NDUFAF5: variants seen among roughly 807,000 people sequenced by gnomAD.
NDUFAF5 encodes the protein arginine-hydroxylase NDUFAF5, mitochondrial.
A neutral mutation model predicts 48.9 loss-of-function variants in NDUFAF5; 34 were observed. The ratio of observed to expected loss-of-function variants is 0.70; its 90% CI spans 0.53 to 0.93. The LOEUF (loss-of-function observed/expected upper bound fraction) is 0.93. NDUFAF5 is among the 40% of genes least tolerant of loss of function. The probability of loss-of-function intolerance (pLI) is 0.00; values close to 1 mark genes in which losing one functional copy is unlikely to be tolerated. For synonymous variants in NDUFAF5, 153 were observed against 150.6 expected (o/e 1.02, Z -0.12); for missense variants, 428 against 427.5 (o/e 1.00, Z -0.01).
chr20:13,788,452 AAGGTG>A (rs1165830719), intron 2 of NDUFAF5, 132 bp from the exon 3 acceptor site: 1 of 699,754 alleles, frequency 1.4e-6, no homozygotes, highest in African/African-American at 1.8e-5. Flanking sequence ...TACAGCTTGT[AAGGTG>A]AGGCTGAAAA....
intron 8 of NDUFAF5, among the ~76,000 whole-genome samples, chr20:13,813,524 G>T (rs562667244): frequency 2.0e-5 from 3 of 152,200 alleles, no homozygotes; most frequent in African/African-American, 7.2e-5. Context: ...GTGGAAATAC[G>T]TAGTTCCTGA....
intron 7 of NDUFAF5, among the ~76,000 whole-genome samples, chr20:13,805,773 T>TA (rs200106254): frequency 2.0e-5 from 3 of 151,624 alleles, no homozygotes; most frequent in Admixed American, 1.3e-4. Context: ...TCCTCATCTC[T>TA]AAAAAAAAAT....
At chr20:13,793,568 T>C (rs1982689418) in intron 4 of NDUFAF5, among the ~76,000 whole-genome samples, 1 of 152,190 alleles carries the variant, frequency 6.6e-6, no homozygotes, top group African/African-American at 2.4e-5. Context: ...GTGTGTCATA[T>C]ATCATCTTTT....
chr20:13,785,466 A>G (rs1203920095), intron 1 of NDUFAF5, among the ~76,000 whole-genome samples, 176 bp downstream of exon 1: 1 of 152,238 alleles, frequency 6.6e-6, no homozygotes, highest in East Asian at 1.9e-4. Context: ...GATATTTGTA[A>G]CATGCTTTCA....
chr20:13,797,341 C>T (rs1983401103), intron 5 of NDUFAF5, among the ~76,000 whole-genome samples: 1 of 152,182 alleles, frequency 6.6e-6, no homozygotes, highest in South Asian at 2.1e-4. Context: ...TTGGAAGCAG[C>T]CAAGATGTCC....
intron 3 of NDUFAF5, 35 bp from the exon 4 acceptor site, chr20:13,793,145 A>T: frequency 6.2e-7 from 1 of 1,612,676 alleles, no homozygotes; most frequent in Middle Eastern, 1.7e-4. Flanking sequence ...TTGTGACTGG[A>T]TTTGTTTGTT....
intron 7 of NDUFAF5, among the ~76,000 whole-genome samples, chr20:13,804,523 C>T (rs1336620393): frequency 6.6e-6 from 1 of 151,842 alleles, no homozygotes; most frequent in Non-Finnish European, 1.5e-5. Flanking sequence ...TTCCAATATA[C>T]TGTTAATAGT....
At chr20:13,809,957 T>C (rs1985629046) in intron 8 of NDUFAF5, among the ~76,000 whole-genome samples, 1 of 152,146 alleles carries the variant, frequency 6.6e-6, no homozygotes, top group Non-Finnish European at 1.5e-5. Flanking sequence ...GAAGAAACAA[T>C]AGAAGAATAC....
intron 8 of NDUFAF5, among the ~76,000 whole-genome samples, chr20:13,810,524 C>T (rs1445230283): frequency 6.6e-6 from 1 of 151,456 alleles, no homozygotes; most frequent in East Asian, 1.9e-4. Flanking sequence ...GCTGTTCTTT[C>T]AAGAAGTCTG....
At position 13,801,590 on chromosome 20, in the gene NDUFAF5, G is replaced by C. The variant is rs1467045628; in HGVS notation, c.624G>C (p.Arg208Ser). 42 of 1,613,926 alleles carry C rather than the reference G, an allele frequency of 2.6e-5. No homozygotes were observed. Among genetic ancestry groups the C allele is most frequent in the Non-Finnish European group, 3.5e-5 (41 of 1,180,004 alleles). The change falls in exon 7 of 11, where the codon AGG becomes AGC. Residue 208 changes from arginine to serine, a missense_variant. Physicochemically the swap from Arg to Ser is moderately radical, Grantham distance 110. Coordinates refer to ENST00000378106, the MANE Select transcript of NDUFAF5 (RefSeq NM_024120.5). ...RCSLQLAETE[R>S]EGGFSPHISP... ...CCTTACAGTTAGCGGAAACGGAAAG[G>C]GAAGGAGGATTTTCTCCACACATTT... is the stretch of plus-strand genomic sequence containing the variant.
In NDUFAF5 at chr20:13,819,444, C is replaced by G. The variant is rs1355067790; in HGVS notation, c.*2234C>G. 6.6e-6 allele frequency: 1 copy of G among 152,250 alleles called. No homozygotes were observed. The highest frequency in any genetic ancestry group is 1.5e-5 in the Non-Finnish European group (1 of 68,060). The allele number at this position is 152,250 out of a possible 1,614,324, so 9.4% of individuals were successfully genotyped here. A position where few individuals can be genotyped will look rare whatever the true frequency, so the allele number is the denominator to read the frequency against. On this transcript the variant is annotated 3_prime_UTR_variant, in exon 11 of 11. Coordinates refer to ENST00000378106, the MANE Select transcript of NDUFAF5 (RefSeq NM_024120.5). Reference sequence around the variant, plus strand: ...AGTACAGTGGCGCAATCTCGGCTCACTGCTGCCTCCGCTTCCTGGGTTCAA... The same window carrying G: ...AGTACAGTGGCGCAATCTCGGCTCAGTGCTGCCTCCGCTTCCTGGGTTCAA...
Position 13,785,080 on chromosome 20 carries a change from G to A in NDUFAF5, c.12G>A (p.Pro4=), listed in dbSNP as rs1468958634. ...GGTCGCAGCTGGAGATGCTGCGGCC[G>A]GCAGGGCTCTGGCGCTTATGTCGGC... The part of the protein sequence containing the change: MLR[P]AGLWRLCRRP... Residue 4 remains proline, a synonymous_variant, in exon 1 of 11, where the codon CCG becomes CCA. Transcript: ENST00000378106. 6.2e-7 allele frequency: 1 copy of A among 1,611,906 alleles called. No individual in the cohort carries two copies. The highest frequency in any genetic ancestry group is 1.1e-5 in the South Asian group (1 of 90,944).
chr20:13,785,298 C>CGCGGCGCG lies in NDUFAF5; in HGVS notation c.222+12_222+13insCGCGGCGG. 10 of 1,040,674 alleles carry CGCGGCGCG rather than the reference C, an allele frequency of 9.6e-6. No homozygotes were observed. In the South Asian group the frequency reaches 1.3e-4, roughly 13 times the overall value. 64.5% of individuals were successfully genotyped at this position (1,040,674 alleles called of 1,614,324 possible). A position where few individuals can be genotyped will look rare whatever the true frequency, so the allele number is the denominator to read the frequency against. On this transcript the variant is annotated intron_variant, in intron 1 of 10. Transcript: ENST00000378106. The stretch of plus-strand genomic sequence containing the variant: ...GACTACCTGAAGGAGGAGGTGAGCC[C>CGCGGCGCG]GCGGGGCGGCGGGGCGGCGGGGCGG...
chr20:13,787,090 T>C (rs1229520134), intron 1 of NDUFAF5: 3 of 587,188 alleles, frequency 5.1e-6, no homozygotes, highest in Non-Finnish European at 9.3e-6. Flanking sequence ...TGTGTATATG[T>C]ATATTTTTAA....
chr20:13,787,279 C>G, intron 1 of NDUFAF5, 33 bp from the exon 2 acceptor site: 2 of 1,612,140 alleles, frequency 1.2e-6, no homozygotes. Flanking sequence ...AGTGTTACTT[C>G]CCCGTTAACC....
At chr20:13,813,651 A>G (rs1162069378) in intron 8 of NDUFAF5, among the ~76,000 whole-genome samples, 1 of 152,214 alleles carries the variant, frequency 6.6e-6, no homozygotes, top group Admixed American at 6.5e-5. Context: ...CACAGGAGGA[A>G]AAGGCCCTAA....
At chr20:13,815,756 A>G (rs185135180) in intron 8 of NDUFAF5, among the ~76,000 whole-genome samples, 1 of 152,348 alleles carries the variant, frequency 6.6e-6, no homozygotes, top group East Asian at 1.9e-4. Context: ...AGACTGGCTT[A>G]AAATATGCTC....
intron 7 of NDUFAF5, among the ~76,000 whole-genome samples, chr20:13,802,941 A>G (rs1297202910): frequency 6.6e-6 from 1 of 152,222 alleles, no homozygotes; most frequent in Admixed American, 6.5e-5. Context: ...TAGACTTAAT[A>G]TGAATTTCCA....
intron 7 of NDUFAF5, chr20:13,803,544 C>T: frequency 6.6e-6 from 1 of 152,148 alleles, no homozygotes; most frequent in Non-Finnish European, 1.5e-5. Context: ...CCTAAAAATG[C>T]TTAGCTCTCT....
Sources: allele counts gnomAD v4.1 joint callset (sites outside exome capture counted in the v4.1 genomes callset), GRCh38; gene constraint gnomAD v4.1.1; transcripts MANE v1.5; gene names NCBI Gene and HGNC (gene_info 2026-07-23, HGNC 2026-07-21).